Variants in XYLB observed in about 807,000 individuals in gnomAD.
The protein encoded by XYLB is xylulokinase, also known as xylulose kinase.
A neutral mutation model predicts 78.7 loss-of-function variants in XYLB; 62 were observed. The observed-to-expected ratio is 0.79, with a 90% CI of 0.64 to 0.97. The LOEUF is 0.97. XYLB is among the 50% of genes least tolerant of loss of function. XYLB has a pLI of 0.00. For synonymous variants in XYLB, 245 were observed against 247.4 expected (o/e 0.99, Z 0.09); for missense variants, 687 against 676.8 (o/e 1.02, Z -0.17).
At chr3:38,424,176 T>A (rs150926346), downstream of XYLB, among the ~76,000 whole-genome samples, 1 of 152,306 alleles carries the variant, frequency 6.6e-6, no homozygotes, top group East Asian at 1.9e-4. Context: ...CAGAAAAGAT[T>A]GATTTTTCCA....
intron 18 of XYLB, among the ~76,000 whole-genome samples, chr3:38,405,264 C>T (rs573999353): frequency 1.7e-4 from 26 of 150,978 alleles, no homozygotes; most frequent in South Asian, 4.2e-4. Context: ...AGACCAGGCA[C>T]GGTGGCTCAT....
intron 17 of XYLB, among the ~76,000 whole-genome samples, chr3:38,397,826 T>TG: frequency 6.6e-6 from 1 of 150,488 alleles, no homozygotes; most frequent in East Asian, 2.0e-4. Context: ...TTCTTTTCTT[T>TG]TTTTTTTTTT....
chr3:38,387,648 A>G (rs1183461566), intron 15 of XYLB, among the ~76,000 whole-genome samples: 3 of 152,268 alleles, frequency 2.0e-5, no homozygotes, highest in Admixed American at 2.0e-4. Flanking sequence ...CTGGGATTAC[A>G]GGCATGAGTC....
chr3:38,401,266 A>T (rs889873973), intron 18 of XYLB, among the ~76,000 whole-genome samples: 1 of 152,042 alleles, frequency 6.6e-6, no homozygotes, highest in Non-Finnish European at 1.5e-5. Flanking sequence ...TGGGCTATAA[A>T]AGCTACTGAA....
Position 38,368,262 on chromosome 3 carries a change from G to A in XYLB, c.646+5G>A. 6.2e-7 allele frequency: 1 copy of A among 1,614,078 alleles called. No individual in the cohort carries two copies. Among genetic ancestry groups the A allele is most frequent in the Non-Finnish European group, 8.5e-7 (1 of 1,179,970 alleles). On this transcript the variant is annotated splice_donor_5th_base_variant and intron_variant, in intron 8 of 18. Coordinates refer to ENST00000207870, the MANE Select transcript of XYLB (RefSeq NM_005108.4). Reference sequence around the variant, plus strand: ...CCCCTATTGACTACAGTGATGGTGAGCCTCGGGGTATGGGGTGGGTGCCTG... The same window carrying A: ...CCCCTATTGACTACAGTGATGGTGAACCTCGGGGTATGGGGTGGGTGCCTG...
chr3:38,355,512 A>G (rs1325872125), intron 2 of XYLB, among the ~76,000 whole-genome samples: 1 of 152,148 alleles, frequency 6.6e-6, no homozygotes, highest in Non-Finnish European at 1.5e-5. Context: ...TCCTTTTACT[A>G]CTGTAAGTGG....
chr3:38,442,034 A>G, the XYLB span, among the ~76,000 whole-genome samples: 7 of 152,128 alleles, frequency 4.6e-5, no homozygotes, highest in African/African-American at 7.2e-5. Flanking sequence ...TGATTAGAGT[A>G]TAGAGTGGTC....
At chr3:38,415,291 C>T (rs1022765718), downstream of XYLB, among the ~76,000 whole-genome samples, 1 of 152,210 alleles carries the variant, frequency 6.6e-6, no homozygotes, top group African/African-American at 2.4e-5. Flanking sequence ...TTTAATTACA[C>T]AAGAGCCCAG....
the XYLB span, chr3:38,451,573 A>G: frequency 1.2e-4 from 18 of 152,426 alleles, no homozygotes; most frequent in African/African-American, 4.1e-4. Context: ...GTGAGCCGAG[A>G]TCGTGCCACT....
intron 2 of XYLB, among the ~76,000 whole-genome samples, chr3:38,355,066 A>G (rs972918413): frequency 6.6e-6 from 1 of 152,208 alleles, no homozygotes; most frequent in African/African-American, 2.4e-5. Context: ...TCCTCCCATC[A>G]AGGAGTCGTT....
chr3:38,348,736 C>G lies in XYLB; in HGVS notation c.140+104C>G. ...CGCACTGTTGAGGCTTTGCCAAATA[C>G]AGGAGTGGTGGTCTCGGCAGACCTT... On this transcript the variant is annotated intron_variant, in intron 2 of 18. Transcript: ENST00000207870. The G allele has an allele frequency of 2.9e-6, 3 of 1,032,362 alleles. No homozygotes were observed. The South Asian group carries it at 3.9e-5, about 13-fold the overall frequency. 64.0% of individuals were successfully genotyped at this position (1,032,362 alleles called of 1,614,324 possible).
intron 18 of XYLB, among the ~76,000 whole-genome samples, chr3:38,411,193 T>A (rs1314139288): frequency 6.6e-6 from 1 of 152,142 alleles, no homozygotes; most frequent in African/African-American, 2.4e-5. Flanking sequence ...TGGAATACTA[T>A]GCAGCCATAA....
downstream of XYLB, among the ~76,000 whole-genome samples, chr3:38,425,057 T>C (rs1416114030): frequency 6.6e-6 from 1 of 152,246 alleles, no homozygotes. Flanking sequence ...ATTCCTCGTC[T>C]TTTACAGGAG....
rs755057210 is a variant in XYLB, at chr3:38,400,989, A to G, written c.1533+4A>G. The G allele has an allele frequency of 1.9e-6, 3 of 1,613,822 alleles. No homozygotes were observed. Among genetic ancestry groups the G allele is most frequent in the African/African-American group, 2.7e-5 (2 of 74,928 alleles). ...CCCAAGCCCGGGAGCTTCTCAGGTGAGAGACCATCGGAATTTGTTTGTAGC... is the reference window on the plus strand; with the variant it reads ...CCCAAGCCCGGGAGCTTCTCAGGTGGGAGACCATCGGAATTTGTTTGTAGC... On this transcript the variant is annotated splice_donor_region_variant and intron_variant, in intron 18 of 18. Transcript: ENST00000207870.
chr3:38,351,167 G>T, intron 2 of XYLB, among the ~76,000 whole-genome samples: 1 of 51,108 alleles, frequency 2.0e-5, no homozygotes, highest in South Asian at 6.4e-4. Flanking sequence ...GGGAGAGCCT[G>T]TCTCAAAAAA....
At chr3:38,427,786 T>G in the XYLB span, among the ~76,000 whole-genome samples, 1 of 152,140 alleles carries the variant, frequency 6.6e-6, no homozygotes, top group Non-Finnish European at 1.5e-5. Flanking sequence ...AGAGACAGGT[T>G]TCATCATGTT....
chr3:38,369,498 A>G (rs1706434264), intron 8 of XYLB, among the ~76,000 whole-genome samples: 1 of 151,662 alleles, frequency 6.6e-6, no homozygotes. Context: ...ATCCCAGCCC[A>G]CCTCTGTCTG....
downstream of XYLB, among the ~76,000 whole-genome samples, chr3:38,423,006 T>A (rs1004041949): frequency 1.3e-5 from 2 of 152,170 alleles, no homozygotes; most frequent in South Asian, 4.1e-4. Context: ...TCTTAGTTAC[T>A]GAACAATTAG....
At chr3:38,401,829 G>C (rs35091896) in intron 18 of XYLB, among the ~76,000 whole-genome samples, 1 of 151,536 alleles carries the variant, frequency 6.6e-6, no homozygotes, top group Admixed American at 6.6e-5. Context: ...CATAGCATCC[G>C]CCACACCACT....
Sources: gnomAD v4.1 joint callset for allele counts (sites outside exome capture counted in the v4.1 genomes callset) on GRCh38, gnomAD v4.1.1 for gene constraint, MANE v1.5 for transcripts, NCBI Gene and HGNC (gene_info 2026-07-23, HGNC 2026-07-21) for gene names.